Variants in ADAMTS17 observed in about 807,000 individuals in gnomAD.
The protein encoded by ADAMTS17 is A disintegrin and metalloproteinase with thrombospondin motifs 17.
In ADAMTS17, 113 loss-of-function variants were observed where a neutral mutation model predicts 141.5. The ratio of observed to expected loss-of-function variants is 0.80; its 90% confidence interval spans 0.69 to 0.93. ADAMTS17 has a LOEUF of 0.93. Among genes scored for constraint, ADAMTS17 ranks in the 40% least tolerant of loss-of-function variants. The pLI is 0.00. For synonymous variants in ADAMTS17, 768 were observed against 630.6 expected (o/e 1.22, Z -3.27); for missense variants, 1,659 against 1,517.9 (o/e 1.09, Z -1.54).
At chr15:100,180,502 G>A (rs2040486276) in intron 8 of ADAMTS17, among the ~76,000 whole-genome samples, 1 of 151,850 alleles carries the variant, frequency 6.6e-6, no homozygotes, top group Admixed American at 6.6e-5. Context: ...TGCTATTTTG[G>A]GTCTTTTATG....
chr15:100,324,063 G>A (rs1180502626), intron 3 of ADAMTS17, among the ~76,000 whole-genome samples: 1 of 151,438 alleles, frequency 6.6e-6, no homozygotes, highest in African/African-American at 2.4e-5. Flanking sequence ...CCAGCACTTT[G>A]GGAGGCCGAG....
chr15:100,215,164 G>A (rs371825596), intron 7 of ADAMTS17, among the ~76,000 whole-genome samples: 1 of 152,236 alleles, frequency 6.6e-6, no homozygotes, highest in African/African-American at 2.4e-5. Flanking sequence ...CGTTTGGAAC[G>A]CAGTAGCAAT....
At chr15:100,198,685 C>A (rs1394876931) in intron 8 of ADAMTS17, among the ~76,000 whole-genome samples, 1 of 152,214 alleles carries the variant, frequency 6.6e-6, no homozygotes, top group Admixed American at 6.5e-5. Context: ...CTTTCTGCCG[C>A]TTGAGGCTTC....
intron 3 of ADAMTS17, among the ~76,000 whole-genome samples, chr15:100,303,394 TC>T (rs1262033790): frequency 6.6e-6 from 1 of 151,640 alleles, no homozygotes; most frequent in Non-Finnish European, 1.5e-5. Context: ...AGAACTCTTC[TC>T]CCATCATATG....
chr15:100,340,911 A>G (rs1321719486), intron 2 of ADAMTS17, 128 bp downstream of exon 2: 6 of 1,391,152 alleles, frequency 4.3e-6, no homozygotes, highest in Middle Eastern at 2.5e-4. Context: ...GTGGAAAGGC[A>G]GGGGGTTCCC....
Position 100,327,678 on chromosome 15 carries a change from CTT to C in ADAMTS17, c.616+3209_616+3210del, listed in dbSNP as rs1451874569. Among the ~76,000 whole-genome samples the C allele has an allele frequency of 7.2e-5, 11 of 152,298 alleles. No individual in the cohort carries two copies. In the East Asian group the frequency reaches 1.9e-3, roughly 27 times the overall value. On this transcript the variant is annotated intron_variant, in intron 3 of 21. Coordinates refer to ENST00000268070, the MANE Select transcript of ADAMTS17 (RefSeq NM_139057.4). ...ATTAGAACGTTTGAAGTCAAAGTAA[CTT>C]TTTAAAAATCAAGGAACATTTCAAA... is the stretch of plus-strand genomic sequence containing the variant.
chr15:100,095,662 TCACTAGGTGTC>T (rs2035711984), intron 15 of ADAMTS17, among the ~76,000 whole-genome samples: 1 of 152,194 alleles, frequency 6.6e-6, no homozygotes, highest in African/African-American at 2.4e-5. Flanking sequence ...CGTGCTCCCC[TCACTAGGTGTC>T]AACTACAGAC....
In ADAMTS17 at chr15:100,109,198, G is replaced by A. The variant is rs1035369709; in HGVS notation, c.1889-82C>T. On this transcript the variant is annotated intron_variant, in intron 13 of 21. Coordinates refer to ENST00000268070, the MANE Select transcript of ADAMTS17 (RefSeq NM_139057.4). ...GGGCACAGGTACATGTGGGCAGAGG[G>A]AAACCCTGAGGAAGAGAGGTCCGCA... 1.2e-5 allele frequency: 19 copies of A among 1,544,316 alleles called. No individual in the cohort carries two copies. The African/African-American group carries it at 2.3e-4, about 19-fold the overall frequency.
chr15:100,138,390 A>C (rs1219479320), intron 10 of ADAMTS17, among the ~76,000 whole-genome samples: 1 of 152,260 alleles, frequency 6.6e-6, no homozygotes, highest in Non-Finnish European at 1.5e-5. Flanking sequence ...TATAGTAACT[A>C]TCTATAAAGA....
At chr15:100,340,468 C>T (rs997544417) in intron 2 of ADAMTS17, among the ~76,000 whole-genome samples, 2 of 152,134 alleles carry the variant, frequency 1.3e-5, no homozygotes, top group Non-Finnish European at 2.9e-5. Flanking sequence ...AGACAAACAC[C>T]CTTTCTCTCC....
intron 15 of ADAMTS17, among the ~76,000 whole-genome samples, chr15:100,091,240 C>T (rs988929300): frequency 5.3e-5 from 8 of 151,866 alleles, no homozygotes; most frequent in Non-Finnish European, 8.8e-5. Context: ...CAGATACCCC[C>T]GATGTGGATG....
intron 14 of ADAMTS17, among the ~76,000 whole-genome samples, chr15:100,100,448 C>G (rs2036026054): frequency 6.6e-6 from 1 of 152,196 alleles, no homozygotes; most frequent in Admixed American, 6.5e-5. Flanking sequence ...GCTGAGCAAT[C>G]TCTCCACTTT....
At chr15:100,311,300 C>G (rs1040978403) in intron 3 of ADAMTS17, among the ~76,000 whole-genome samples, 1 of 152,182 alleles carries the variant, frequency 6.6e-6, no homozygotes, top group Admixed American at 6.5e-5. Context: ...ACCCCCACCG[C>G]CCCCTGCAAC....
At chr15:100,200,969 C>T (rs1037494072) in intron 7 of ADAMTS17, among the ~76,000 whole-genome samples, 1 of 152,246 alleles carries the variant, frequency 6.6e-6, no homozygotes, top group South Asian at 2.1e-4. Flanking sequence ...CTTCCATGAA[C>T]TTGCCTGAGG....
intron 7 of ADAMTS17, among the ~76,000 whole-genome samples, chr15:100,230,423 A>C (rs1222222424): frequency 6.6e-6 from 1 of 152,200 alleles, no homozygotes; most frequent in African/African-American, 2.4e-5. Context: ...CATCCATGCC[A>C]TAGACACACG....
chr15:100,001,994 C>CAAAAAAAAAAAAAAAAAAAAAAAAA (rs71151931), intron 18 of ADAMTS17, among the ~76,000 whole-genome samples: 1 of 58,384 alleles, frequency 1.7e-5, no homozygotes, highest in East Asian at 6.6e-4. Flanking sequence ...AGGCCAAACC[C>CAAAAAAAAAAAAAAAAAAAAAAAAA]AAAAAAAAAA....
rs143505176 is a variant in ADAMTS17, at chr15:100,022,318, G to A, written c.2592-24729C>T. Among the ~76,000 whole-genome samples, 48 of 152,224 alleles carry A rather than the reference G, an allele frequency of 3.2e-4. No individual in the cohort carries two copies. In the East Asian group the frequency reaches 3.9e-3, roughly 12 times the overall value. On this transcript the variant is annotated intron_variant, in intron 18 of 21. Transcript: ENST00000268070. ...CCACAGCCCCCACCTCCTCCTCGGC[G>A]GTGGACCCCACTAAGGCAGCGTGTG...
chr15:100,246,014 G>C (rs1179976758), intron 7 of ADAMTS17, among the ~76,000 whole-genome samples: 1 of 152,090 alleles, frequency 6.6e-6, no homozygotes, highest in Non-Finnish European at 1.5e-5. Flanking sequence ...AGAGGTCAAG[G>C]CAGGAATGTT....
intron 15 of ADAMTS17, among the ~76,000 whole-genome samples, chr15:100,067,150 C>A (rs979264576): frequency 2.0e-5 from 3 of 152,014 alleles, no homozygotes; most frequent in Non-Finnish European, 4.4e-5. Flanking sequence ...TCTAAGTGGC[C>A]CATCTGTCTC....
Sources: gnomAD v4.1 joint callset for allele counts (sites outside exome capture counted in the v4.1 genomes callset) on GRCh38, gnomAD v4.1.1 for gene constraint, MANE v1.5 for transcripts, NCBI Gene and HGNC (gene_info 2026-07-23, HGNC 2026-07-21) for gene names.